Variants in LAMC1 observed in about 807,000 individuals in gnomAD.
LAMC1 encodes the protein laminin subunit gamma 1.
In LAMC1, 38 loss-of-function variants were observed where a neutral mutation model predicts 173.6. The observed-to-expected ratio is 0.22, with a 90% CI of 0.17 to 0.29. LAMC1 has a LOEUF of 0.29. Ranked by LOEUF, LAMC1 falls within the 10% of genes least tolerant of loss-of-function variation. LAMC1 has a pLI of 1.00. For missense variants in LAMC1, 1,824 were observed against 2,051.8 expected, an observed-to-expected ratio of 0.89 and a Z score of 2.14; for synonymous variants, 746 against 749.1, an observed-to-expected ratio of 1.00 and a Z score of 0.07.
At chr1:183,087,017 A>G (rs1359528518) in intron 1 of LAMC1, among the ~76,000 whole-genome samples, 2 of 152,218 alleles carry the variant, frequency 1.3e-5, no homozygotes, top group Non-Finnish European at 2.9e-5. Context: ...TTTATTTTAC[A>G]CTTAAGAAAA....
At chr1:183,074,063 T>C (rs1417043887) in intron 1 of LAMC1, among the ~76,000 whole-genome samples, 1 of 152,210 alleles carries the variant, frequency 6.6e-6, no homozygotes, top group Non-Finnish European at 1.5e-5. Context: ...ATCAAAGTTA[T>C]ACTAGCTTCA....
intron 1 of LAMC1, among the ~76,000 whole-genome samples, chr1:183,074,028 T>C (rs1450574905): frequency 1.3e-5 from 2 of 152,222 alleles, no homozygotes; most frequent in African/African-American, 4.8e-5. Context: ...TTTTTCTTAC[T>C]CCTTTTTCCC....
At chr1:183,136,334 C>T in intron 24 of LAMC1, 52 bp from the exon 25 acceptor site, 2 of 1,515,022 alleles carry the variant, frequency 1.3e-6, no homozygotes, top group South Asian at 2.3e-5. Flanking sequence ...TGAAAGGCCC[C>T]CTTTTTACTT....
intron 3 of LAMC1, 50 bp from the exon 4 acceptor site, chr1:183,110,438 C>A: frequency 6.9e-7 from 1 of 1,452,056 alleles, no homozygotes; most frequent in South Asian, 1.3e-5. Context: ...GTGTGCATTT[C>A]TGGGACTTTG....
At chr1:183,110,738 C>T (rs1369956625) in intron 4 of LAMC1, 84 bp downstream of exon 4, 11 of 1,387,268 alleles carry the variant, frequency 7.9e-6, no homozygotes, top group Non-Finnish European at 1.1e-5. Flanking sequence ...TCTTTTATTC[C>T]TCCTTGAAAG....
chr1:183,106,832 C>T (rs1236341899), intron 2 of LAMC1, among the ~76,000 whole-genome samples: 6 of 152,094 alleles, frequency 3.9e-5, no homozygotes, highest in South Asian at 2.1e-4. Flanking sequence ...TACACCACAG[C>T]GGAAGTGATC....
chr1:183,112,055 CAAAA>C (rs368740702), intron 4 of LAMC1, among the ~76,000 whole-genome samples: 23 of 152,190 alleles, frequency 1.5e-4, no homozygotes, highest in African/African-American at 2.6e-4. Flanking sequence ...CAAAAACAAA[CAAAA>C]AAATTATTGG....
intron 1 of LAMC1, among the ~76,000 whole-genome samples, chr1:183,089,397 G>C (rs990347238): frequency 9.2e-5 from 14 of 152,176 alleles, no homozygotes; most frequent in African/African-American, 3.1e-4. Flanking sequence ...TGACCTACCT[G>C]AAATATGCTA....
chr1:183,128,820 G>T, intron 18 of LAMC1, 70 bp downstream of exon 18: 2 of 881,000 alleles, frequency 2.3e-6, no homozygotes, highest in African/African-American at 1.8e-5. Context: ...CCTAAAGCAA[G>T]GTTAGTATAG....
chr1:183,103,223 A>C, intron 1 of LAMC1, 105 bp from the exon 2 acceptor site: 2 of 1,082,524 alleles, frequency 1.8e-6, no homozygotes, highest in African/African-American at 1.6e-5. Flanking sequence ...TGATGTGTAC[A>C]AGGAGATTTA....
At chr1:183,096,762 A>G (rs1289010662) in intron 1 of LAMC1, 2 of 152,314 alleles carry the variant, frequency 1.3e-5, no homozygotes, top group East Asian at 3.9e-4. Context: ...CACTGTTGGC[A>G]TTTGACCGAT....
At chr1:183,099,748 A>G (rs138323375) in intron 1 of LAMC1, among the ~76,000 whole-genome samples, 1 of 152,204 alleles carries the variant, frequency 6.6e-6, no homozygotes, top group Non-Finnish European at 1.5e-5. Flanking sequence ...GTCCATCTGC[A>G]TACTAGTGAG....
rs1656372074 is a variant in LAMC1 at position 183,118,085 on chromosome 1, A to G, written c.1929A>G (p.Glu643=). The G allele has an allele frequency of 3.7e-6, 6 of 1,613,780 alleles. No individual in the cohort carries two copies. The African/African-American group carries it at 6.7e-5, about 18-fold the overall frequency. ...YPWRPALTPF[E]FQKLLNNLTS... is the part of the protein sequence containing the mutation. ...GGAGGCCTGCTCTTACCCCTTTTGA[A>G]TTTCAGAAGCTCCTAAACAACTTGA... The change falls in exon 11 of 28, where the codon GAA becomes GAG. Residue 643 remains glutamate, a synonymous_variant. Coordinates refer to ENST00000258341, the MANE Select transcript of LAMC1 (RefSeq NM_002293.4).
chr1:183,071,639 C>T (rs1405499919), intron 1 of LAMC1, among the ~76,000 whole-genome samples: 1 of 152,168 alleles, frequency 6.6e-6, no homozygotes, highest in African/African-American at 2.4e-5. Flanking sequence ...GATGTTCTGC[C>T]TTCTTGTTTC....
intron 1 of LAMC1, among the ~76,000 whole-genome samples, chr1:183,070,331 C>G (rs942052772): frequency 1.2e-4 from 19 of 152,086 alleles, no homozygotes; most frequent in African/African-American, 4.3e-4. Context: ...GGACAGGGAC[C>G]AACTAGTGCT....
At chr1:183,046,942 C>T (rs1013520670) in intron 1 of LAMC1, among the ~76,000 whole-genome samples, 13 of 152,016 alleles carry the variant, frequency 8.6e-5, no homozygotes, top group Non-Finnish European at 1.8e-4. Context: ...AATTCTGTTG[C>T]ATAATATTTA....
At chr1:183,121,448 C>G (rs989078490) in intron 11 of LAMC1, among the ~76,000 whole-genome samples, 2 of 151,944 alleles carry the variant, frequency 1.3e-5, no homozygotes, top group African/African-American at 4.8e-5. Flanking sequence ...TATATATAAA[C>G]AAACAAATAA....
chr1:183,122,314 G>T (rs1656499555), intron 13 of LAMC1, 63 bp downstream of exon 13: 1 of 1,486,974 alleles, frequency 6.7e-7, no homozygotes, highest in East Asian at 2.3e-5. Flanking sequence ...AGGGGAAAGG[G>T]GCTTCGGAGT....
chr1:183,130,349 G>T lies in LAMC1; in HGVS notation c.3286G>T (p.Asp1096Tyr). 6.2e-7 allele frequency: 1 copy of T among 1,613,562 alleles called. No homozygotes were observed. Among genetic ancestry groups the T allele is most frequent in the South Asian group, 1.1e-5 (1 of 91,026 alleles). Residue 1096 changes from aspartate to tyrosine, a missense_variant, in exon 19 of 28, where the codon GAC becomes TAC. Transcript: ENST00000258341. ...LREAQDVKDV[D>Y]QNLMDRLQRV... ...TCTTCTGCAAACCATTTTAGATGTT[G>T]ACCAGAATTTGATGGATCGCCTACA...
Sources: gnomAD v4.1 joint callset for allele counts (sites outside exome capture counted in the v4.1 genomes callset) on GRCh38, gnomAD v4.1.1 for gene constraint, MANE v1.5 for transcripts, NCBI Gene and HGNC (gene_info 2026-07-23, HGNC 2026-07-21) for gene names.